The following DENND1A variants were observed in gnomAD, a reference collection of about 807,000 sequenced individuals.
DENND1A encodes the protein DENN domain-containing protein 1A.
DENND1A carries 51 observed loss-of-function variants against 113.7 expected under a neutral mutation model. That is an observed-to-expected ratio of 0.45 (90% CI 0.36 to 0.57). The LOEUF is 0.57. DENND1A is among the 20% of genes least tolerant of loss of function. The pLI, the probability that DENND1A is intolerant of heterozygous loss-of-function variation, is 0.00. For synonymous variants in DENND1A, 565 were observed against 570.8 expected (o/e 0.99, Z 0.14); for missense variants, 1,258 against 1,395.9 (o/e 0.90, Z 1.57).
chr9:123,538,749 A>AGTGTGT (rs145062895), intron 13 of DENND1A, among the ~76,000 whole-genome samples: 258 of 91,018 alleles, frequency 2.8e-3, no homozygotes, highest in African/African-American at 8.2e-3. Context: ...TATGTGTGTG[A>AGTGTGT]GTGTGTGTGT....
intron 11 of DENND1A, among the ~76,000 whole-genome samples, chr9:123,607,910 G>A (rs754307279): frequency 3.3e-5 from 5 of 152,048 alleles, no homozygotes; most frequent in Admixed American, 6.5e-5. Flanking sequence ...TGTGGACTCC[G>A]ATAGACCAAA....
rs1216110320 is a variant in DENND1A, at chr9:123,618,530, C to T, written c.720-9049G>A. ...CTAGGGCAGGGGAGGCGGGCTGTTG[C>T]CCCTCCCGACATTAGGCAGAAGGAG... On this transcript the variant is annotated intron_variant, in intron 10 of 23. Coordinates refer to ENST00000394215, the MANE Select transcript of DENND1A (RefSeq NM_001352964.2). Among the ~76,000 whole-genome samples the T allele has an allele frequency of 2.0e-5, 3 of 152,276 alleles. No homozygotes were observed. In the East Asian group the frequency reaches 5.8e-4, roughly 29 times the overall value.
chr9:123,747,599 T>C lies in DENND1A; in HGVS notation c.302+10104A>G, dbSNP rs1298054015. Among the ~76,000 whole-genome samples, 10 of 152,276 alleles carry C rather than the reference T, an allele frequency of 6.6e-5. No individual in the cohort carries two copies. The East Asian group carries it at 1.9e-3, about 29-fold the overall frequency. ...ACTTAATTTCCACTGCATACTACAATATATAGAATTTAATTTTCTCCACAA... is the reference window on the plus strand; with the variant it reads ...ACTTAATTTCCACTGCATACTACAACATATAGAATTTAATTTTCTCCACAA... On this transcript the variant is annotated intron_variant, in intron 5 of 23. Coordinates refer to ENST00000394215, the MANE Select transcript of DENND1A (RefSeq NM_001352964.2).
chr9:123,607,545 A>AGTGTGTGTGT (rs1469468515), intron 11 of DENND1A, among the ~76,000 whole-genome samples: 3 of 105,882 alleles, frequency 2.8e-5, no homozygotes, highest in African/African-American at 1.0e-4. Flanking sequence ...AGAGAGAGAG[A>AGTGTGTGTGT]GAGTGTGTGT....
chr9:123,450,764 A>G lies in DENND1A; in HGVS notation c.1300-15T>C, dbSNP rs200016237. 2 of 1,605,414 alleles carry G rather than the reference A, an allele frequency of 1.2e-6. No individual in the cohort carries two copies. Among genetic ancestry groups the G allele is most frequent in the African/African-American group, 1.3e-5 (1 of 74,592 alleles). On this transcript the variant is annotated splice_polypyrimidine_tract_variant and intron_variant, in intron 17 of 23. Coordinates refer to ENST00000394215, the MANE Select transcript of DENND1A (RefSeq NM_001352964.2). ...TGATCTTTTGCCTGCATGAAAAATT[A>G]ATTTAAGTTAAGATTCCCTTTCTGT...
intron 5 of DENND1A, among the ~76,000 whole-genome samples, chr9:123,682,393 C>T (rs535970626): frequency 9.9e-5 from 15 of 152,226 alleles, no homozygotes; most frequent in East Asian, 3.9e-4. Context: ...CTTTCAGTTG[C>T]TTTTGGTGAC....
At chr9:123,717,086 T>A (rs1019035589) in intron 5 of DENND1A, among the ~76,000 whole-genome samples, 1 of 152,162 alleles carries the variant, frequency 6.6e-6, no homozygotes, top group Non-Finnish European at 1.5e-5. Flanking sequence ...CCTAGGAAAC[T>A]TAGCAGTATT....
intron 13 of DENND1A, among the ~76,000 whole-genome samples, chr9:123,514,901 C>T (rs919553886): frequency 4.6e-5 from 7 of 152,104 alleles, no homozygotes; most frequent in African/African-American, 9.7e-5. Context: ...CCAGGACTCA[C>T]GGAGGAAAGG....
chr9:123,491,690 G>A (rs966683602), intron 13 of DENND1A, among the ~76,000 whole-genome samples: 3 of 152,204 alleles, frequency 2.0e-5, no homozygotes, highest in African/African-American at 7.2e-5. Flanking sequence ...CGGACTTCAA[G>A]GCTAGAGGTC....
chr9:123,481,797 C>CTTT (rs199644080), intron 13 of DENND1A, among the ~76,000 whole-genome samples: 10 of 138,124 alleles, frequency 7.2e-5, no homozygotes, highest in South Asian at 2.3e-4. Context: ...TTCTTTCTTT[C>CTTT]TTTTTTTTTT....
intron 13 of DENND1A, among the ~76,000 whole-genome samples, chr9:123,556,061 C>G (rs779554384): frequency 6.6e-6 from 1 of 152,176 alleles, no homozygotes; most frequent in Non-Finnish European, 1.5e-5. Context: ...GACCCAAGAT[C>G]GTGACAAGTA....
intron 2 of DENND1A, among the ~76,000 whole-genome samples, chr9:123,861,721 G>C (rs1305656805): frequency 6.6e-6 from 1 of 152,126 alleles, no homozygotes; most frequent in Non-Finnish European, 1.5e-5. Context: ...CTGTGAACTT[G>C]ATGAAGATGT....
At chr9:123,818,749 C>G (rs1032878720) in intron 2 of DENND1A, among the ~76,000 whole-genome samples, 1 of 152,048 alleles carries the variant, frequency 6.6e-6, no homozygotes, top group Non-Finnish European at 1.5e-5. Flanking sequence ...CCATTTGTGG[C>G]ATCATGTCAG....
At chr9:123,775,699 A>C (rs1233465897) in intron 3 of DENND1A, among the ~76,000 whole-genome samples, 2 of 152,194 alleles carry the variant, frequency 1.3e-5, no homozygotes, top group African/African-American at 4.8e-5. Flanking sequence ...TGAATTTTTT[A>C]AACTTAATTG....
chr9:123,657,390 G>C (rs1589546098), intron 8 of DENND1A, among the ~76,000 whole-genome samples: 1 of 151,874 alleles, frequency 6.6e-6, no homozygotes, highest in East Asian at 1.9e-4. Flanking sequence ...CGAAGCAGGT[G>C]GGGGTGGTGG....
intron 6 of DENND1A, among the ~76,000 whole-genome samples, chr9:123,672,705 C>T (rs1013087972): frequency 5.3e-5 from 8 of 152,138 alleles, no homozygotes; most frequent in African/African-American, 1.7e-4. Context: ...TCTTGAGTAC[C>T]GCATGGTATG....
At chr9:123,703,979 T>A (rs191599911) in intron 5 of DENND1A, among the ~76,000 whole-genome samples, 1 of 152,152 alleles carries the variant, frequency 6.6e-6, no homozygotes, top group East Asian at 1.9e-4. Context: ...TTTATATTTA[T>A]ATATGTTTTC....
chr9:123,525,934 T>A (rs1055600717), intron 13 of DENND1A, among the ~76,000 whole-genome samples: 2 of 151,830 alleles, frequency 1.3e-5, no homozygotes, highest in African/African-American at 4.8e-5. Context: ...TTAAAAAAAA[T>A]TTTTTTGTAG....
intron 8 of DENND1A, among the ~76,000 whole-genome samples, chr9:123,663,849 C>CAA (rs202019987): frequency 6.5e-5 from 9 of 137,456 alleles, no homozygotes; most frequent in East Asian, 2.1e-4. Context: ...AACTTAACAA[C>CAA]AAAAAAAAAA....
Sources: gnomAD v4.1 joint callset for allele counts (sites outside exome capture counted in the v4.1 genomes callset) on GRCh38, gnomAD v4.1.1 for gene constraint, MANE v1.5 for transcripts, NCBI Gene and HGNC (gene_info 2026-07-23, HGNC 2026-07-21) for gene names.